ACAD11: variants seen among roughly 807,000 people sequenced by gnomAD.
ACAD11 encodes the protein acyl-CoA dehydrogenase family member 11.
A neutral mutation model predicts 102.2 loss-of-function variants in ACAD11; 83 were observed. That is an observed-to-expected ratio of 0.81 (90% CI 0.68 to 0.97). The LOEUF (loss-of-function observed/expected upper bound fraction) is 0.97. Among genes scored for constraint, ACAD11 ranks in the 50% least tolerant of loss-of-function variants. The probability of loss-of-function intolerance (pLI) is 0.00; values close to 1 mark genes in which losing one functional copy is unlikely to be tolerated. For synonymous variants in ACAD11, 324 were observed against 319.8 expected (o/e 1.01, Z -0.14); for missense variants, 901 against 951.7 (o/e 0.95, Z 0.70).
chr3:132,645,941 C>T (rs1940699461), intron 1 of ACAD11: 1 of 151,688 alleles, frequency 6.6e-6, no homozygotes, highest in Admixed American at 6.6e-5. Flanking sequence ...TGATATAGAA[C>T]AATTTATCTT....
At chr3:132,617,229 C>T (rs1225646569) in intron 11 of ACAD11, among the ~76,000 whole-genome samples, 1 of 151,996 alleles carries the variant, frequency 6.6e-6, no homozygotes, top group Non-Finnish European at 1.5e-5. Context: ...AAAAATATTC[C>T]CAGGGTCTAC....
At chr3:132,571,759 T>C (rs1371285983) in intron 17 of ACAD11, among the ~76,000 whole-genome samples, 1 of 152,180 alleles carries the variant, frequency 6.6e-6, no homozygotes, top group Non-Finnish European at 1.5e-5. Flanking sequence ...GTTCAACATT[T>C]GCAAATCAAT....
chr3:132,633,572 G>A (rs986427782), intron 5 of ACAD11, among the ~76,000 whole-genome samples: 1 of 152,108 alleles, frequency 6.6e-6, no homozygotes, highest in Non-Finnish European at 1.5e-5. Context: ...TTGGTATCAG[G>A]ATGATGCTGG....
chr3:132,578,947 A>G, intron 14 of ACAD11, 66 bp from the exon 15 acceptor site: 1 of 1,601,464 alleles, frequency 6.2e-7, no homozygotes, highest in Non-Finnish European at 8.5e-7. Flanking sequence ...GATAATAAGC[A>G]GAATCACAAT....
intron 19 of ACAD11, among the ~76,000 whole-genome samples, chr3:132,559,573 C>T (rs769686428): frequency 2.6e-5 from 4 of 151,976 alleles, no homozygotes; most frequent in African/African-American, 7.2e-5. Flanking sequence ...ACAAATTCAG[C>T]GAAACCCCAT....
At chr3:132,617,607 C>T (rs1939457906) in intron 11 of ACAD11, among the ~76,000 whole-genome samples, 1 of 152,174 alleles carries the variant, frequency 6.6e-6, no homozygotes, top group Admixed American at 6.5e-5. Flanking sequence ...GCCACTGACT[C>T]TCTGCTTCCC....
intron 17 of ACAD11, among the ~76,000 whole-genome samples, chr3:132,571,264 C>CT (rs1439601407): frequency 2.7e-5 from 4 of 149,988 alleles, no homozygotes; most frequent in African/African-American, 9.8e-5. Context: ...TGATTTTTAG[C>CT]TTTTTTTCAC....
rs375003975 is a variant in ACAD11 at position 132,605,137 on chromosome 3, G to A, written c.1483C>T (p.Leu495Phe). Residue 495 changes from leucine (L) to phenylalanine (F), a missense_variant, in exon 12 of 20, where the codon CTT becomes TTT. Transcript: ENST00000264990. ...CAAGAGGTAATGTTCCCTTGAAGAA[G>A]AGGCTCAAGCCACTGTTTCTTCTGT... is the stretch of plus-strand genomic sequence containing the variant. ...EEQKKQWLEP[L>F]LQGNITSCFC... The A allele has an allele frequency of 1.9e-6, 3 of 1,613,546 alleles. No homozygotes were observed. Among genetic ancestry groups the A allele is most frequent in the Non-Finnish European group, 2.5e-6 (3 of 1,179,562 alleles).
In ACAD11 at chr3:132,642,870, C is replaced by T. The variant is rs1205767333; in HGVS notation, c.250-68G>A. ...TAATTGTAATTAAATTTAATAACTA[C>T]TTATGAGCTAATCTTAAGGCTAGAA... is the stretch of plus-strand genomic sequence containing the variant. On this transcript the variant is annotated intron_variant, in intron 2 of 19. Coordinates refer to ENST00000264990, the MANE Select transcript of ACAD11 (RefSeq NM_032169.5). 2.7e-6 allele frequency: 4 copies of T among 1,492,208 alleles called. No homozygotes were observed. The East Asian group carries it at 9.1e-5, about 34-fold the overall frequency. 92.4% of individuals were successfully genotyped at this position (1,492,208 alleles called of 1,614,324 possible). A position where few individuals can be genotyped will look rare whatever the true frequency, so the allele number is the denominator to read the frequency against.
chr3:132,590,122 G>C (rs1938014933), intron 13 of ACAD11, among the ~76,000 whole-genome samples: 1 of 152,172 alleles, frequency 6.6e-6, no homozygotes, highest in South Asian at 2.1e-4. Flanking sequence ...TGGGCATTTA[G>C]GTTGATTCCA....
intron 17 of ACAD11, among the ~76,000 whole-genome samples, chr3:132,574,198 G>C (rs1376072644): frequency 6.6e-6 from 1 of 152,170 alleles, no homozygotes; most frequent in African/African-American, 2.4e-5. Flanking sequence ...ACTTTACTGT[G>C]TCCTCCCTTC....
At chr3:132,582,684 T>A (rs925674114) in intron 13 of ACAD11, among the ~76,000 whole-genome samples, 3 of 149,158 alleles carry the variant, frequency 2.0e-5, no homozygotes, top group South Asian at 2.1e-4. Context: ...AAAACTGATT[T>A]AAAAAAAAAA....
chr3:132,585,727 G>T (rs1187589824), intron 13 of ACAD11, among the ~76,000 whole-genome samples: 1 of 152,174 alleles, frequency 6.6e-6, no homozygotes, highest in Non-Finnish European at 1.5e-5. Flanking sequence ...GCAGCCAAAA[G>T]ACACATGAAA....
At chr3:132,617,568 AACC>A (rs1292594382) in intron 11 of ACAD11, among the ~76,000 whole-genome samples, 1 of 152,032 alleles carries the variant, frequency 6.6e-6, no homozygotes, top group Admixed American at 6.6e-5. Flanking sequence ...CCCCAGTCTA[AACC>A]ACCATTATCT....
intron 6 of ACAD11, among the ~76,000 whole-genome samples, chr3:132,631,027 T>G (rs1285134337): frequency 6.6e-6 from 1 of 152,182 alleles, no homozygotes; most frequent in Non-Finnish European, 1.5e-5. Context: ...GCTATGATTG[T>G]GGCACTGTAC....
intron 9 of ACAD11, among the ~76,000 whole-genome samples, chr3:132,624,405 G>A (rs557730602): frequency 1.3e-5 from 2 of 151,472 alleles, no homozygotes; most frequent in South Asian, 4.2e-4. Flanking sequence ...AGGAGTTCGA[G>A]ACCAGCCTGG....
intron 6 of ACAD11, 115 bp from the exon 7 acceptor site, chr3:132,630,673 C>T: frequency 1.3e-6 from 1 of 789,808 alleles, no homozygotes; most frequent in Non-Finnish European, 1.9e-6. Flanking sequence ...TTAGCCCTTA[C>T]AACAAAACAT....
intron 13 of ACAD11, among the ~76,000 whole-genome samples, chr3:132,584,921 A>G (rs1268460728): frequency 1.3e-5 from 2 of 152,238 alleles, no homozygotes; most frequent in African/African-American, 4.8e-5. Context: ...CATACTGCCC[A>G]AGGTAATTTA....
chr3:132,622,912 A>T (rs141695702), intron 9 of ACAD11, among the ~76,000 whole-genome samples: 1 of 152,234 alleles, frequency 6.6e-6, no homozygotes, highest in Non-Finnish European at 1.5e-5. Context: ...GCAACAGTTC[A>T]TCCTTAGTAT....
Sources: gnomAD v4.1 joint callset for allele counts (sites outside exome capture counted in the v4.1 genomes callset) on GRCh38, gnomAD v4.1.1 for gene constraint, MANE v1.5 for transcripts, NCBI Gene and HGNC (gene_info 2026-07-23, HGNC 2026-07-21) for gene names.